CD38: variants seen among roughly 807,000 people sequenced by gnomAD.
CD38 encodes CD38 molecule.
CD38 carries 31 observed loss-of-function variants against 36.3 expected under a neutral mutation model. The observed-to-expected ratio is 0.85, with a 90% confidence interval of 0.64 to 1.15. CD38 has a LOEUF of 1.15. Ranked by LOEUF, CD38 falls within the 50% of genes most tolerant of loss-of-function variation. The pLI is 0.00. For missense variants in CD38, 380 were observed against 371.9 expected (o/e 1.02, Z -0.18); for synonymous variants, 131 against 135.2 (o/e 0.97, Z 0.22).
intron 1 of CD38, among the ~76,000 whole-genome samples, chr4:15,793,555 G>A (rs183405817): frequency 6.6e-5 from 10 of 152,040 alleles, no homozygotes; most frequent in Non-Finnish European, 1.3e-4. Context: ...TGATTCTTTT[G>A]GTCCTTGGGA....
At chr4:15,805,933 C>T (rs16892415) in intron 1 of CD38, among the ~76,000 whole-genome samples, 3,662 of 152,226 alleles carry the variant, frequency 0.024, 152 homozygotes, top group African/African-American at 0.084. Flanking sequence ...ATTTAAAGGA[C>T]GAGTGTAATT....
chr4:15,847,613 A>C (rs1724290272), intron 7 of CD38, among the ~76,000 whole-genome samples: 1 of 126,902 alleles, frequency 7.9e-6, no homozygotes, highest in Non-Finnish European at 1.6e-5. Context: ...AAAAAAAAAA[A>C]AAAAAAAAAA....
chr4:15,790,125 CT>C (rs1722928381), intron 1 of CD38, among the ~76,000 whole-genome samples: 1 of 42,752 alleles, frequency 2.3e-5, no homozygotes, highest in African/African-American at 2.6e-4. Flanking sequence ...CCCTCTCCCT[CT>C]CCCTCTCCCT....
chr4:15,848,089 C>A (rs944487062), intron 7 of CD38, among the ~76,000 whole-genome samples: 2 of 152,178 alleles, frequency 1.3e-5, no homozygotes, highest in African/African-American at 4.8e-5. Flanking sequence ...TCCACCATCC[C>A]CCTATTCATG....
intron 1 of CD38, among the ~76,000 whole-genome samples, chr4:15,799,199 T>G (rs1291777501): frequency 3.3e-5 from 5 of 152,220 alleles, no homozygotes; most frequent in Non-Finnish European, 7.3e-5. Context: ...GTGGTGAAAT[T>G]AGGAAGCCCA....
At chr4:15,785,116 G>A (rs1055143512) in intron 1 of CD38, among the ~76,000 whole-genome samples, 25 of 152,010 alleles carry the variant, frequency 1.6e-4, no homozygotes, top group African/African-American at 6.0e-4. Context: ...AAGTGAAACA[G>A]GCCTTCCAGG....
rs1332810029 is a variant in CD38 at position 15,853,039 on chromosome 4, T to C, written c.*4437T>C. 1 of 152,114 alleles carries C rather than the reference T, an allele frequency of 6.6e-6. No homozygotes were observed. The highest frequency in any genetic ancestry group is 1.9e-4 in the East Asian group (1 of 5,174). 9.4% of individuals were successfully genotyped at this position (152,114 alleles called of 1,614,324 possible). On this transcript the variant is annotated 3_prime_UTR_variant, in exon 8 of 8. Coordinates refer to ENST00000226279, the MANE Select transcript of CD38 (RefSeq NM_001775.4). ...GTTAGCCAGGATAGGGCATTTATTCTTGAACTTGATTCAGAGAGGCACACA... is the reference window on the plus strand; with the variant it reads ...GTTAGCCAGGATAGGGCATTTATTCCTGAACTTGATTCAGAGAGGCACACA...
intron 1 of CD38, among the ~76,000 whole-genome samples, chr4:15,799,185 G>C (rs1723163288): frequency 6.6e-6 from 1 of 152,114 alleles, no homozygotes; most frequent in Admixed American, 6.5e-5. Context: ...ATTTATCTTT[G>C]TGTGTGGTGA....
At chr4:15,816,336 A>G (rs959135133) in intron 1 of CD38, among the ~76,000 whole-genome samples, 175 bp from the exon 2 acceptor site, 2 of 152,204 alleles carry the variant, frequency 1.3e-5, no homozygotes, top group African/African-American at 2.4e-5. Flanking sequence ...GTCAGAAGGA[A>G]TGGTACCAGC....
chr4:15,831,832 A>C (rs1723965703), intron 3 of CD38, among the ~76,000 whole-genome samples: 2 of 152,104 alleles, frequency 1.3e-5, no homozygotes, highest in African/African-American at 4.8e-5. Flanking sequence ...ATCTTTCTCT[A>C]GGTTTGCAAA....
At position 15,848,392 on chromosome 4, in the gene CD38, C is replaced by A. The variant is rs1724309631; in HGVS notation, c.840-147C>A. ...GTGGCATGGATAGCTCCCCTCCCGACATGTCACTGCAGGAGAGGAGTTTAT... is the reference window on the plus strand; with the variant it reads ...GTGGCATGGATAGCTCCCCTCCCGAAATGTCACTGCAGGAGAGGAGTTTAT... On this transcript the variant is annotated intron_variant, in intron 7 of 7. Transcript: ENST00000226279. 9.4e-6 allele frequency: 5 copies of A among 529,212 alleles called. No individual in the cohort carries two copies. In the South Asian group the frequency reaches 1.2e-4, roughly 12 times the overall value. The allele number at this position is 529,212 out of a possible 1,614,324, so 32.8% of individuals were successfully genotyped here.
At chr4:15,814,676 A>G (rs1723545335) in intron 1 of CD38, among the ~76,000 whole-genome samples, 1 of 152,182 alleles carries the variant, frequency 6.6e-6, no homozygotes, top group Non-Finnish European at 1.5e-5. Flanking sequence ...CAGTTTTCCC[A>G]GCACTATTAA....
At position 15,848,592 on chromosome 4, in the gene CD38, C is replaced by T. The variant is rs778785395; in HGVS notation, c.893C>T (p.Ser298Phe). 1 of 1,613,352 alleles carries T rather than the reference C, an allele frequency of 6.2e-7. No individual in the cohort carries two copies. The highest frequency in any genetic ancestry group is 8.5e-7 in the Non-Finnish European group (1 of 1,179,484). Residue 298 changes from serine to phenylalanine, a missense_variant, in exon 8 of 8, where the codon TCT (serine) becomes TTT (phenylalanine). By Grantham distance (155) the Ser-to-Phe change is radical. Transcript: ENST00000226279. ...VKNPEDSSCT[S>F]EI ...AATCCTGAGGATTCATCTTGCACATCTGAGATCTGAGCCAGTCGCTGTGGT... is the reference window on the plus strand; with the variant it reads ...AATCCTGAGGATTCATCTTGCACATTTGAGATCTGAGCCAGTCGCTGTGGT...
At chr4:15,839,963 AG>A in intron 5 of CD38, 62 bp from the exon 6 acceptor site, 1 of 1,071,828 alleles carries the variant, frequency 9.3e-7, no homozygotes, top group Non-Finnish European at 1.5e-6. Flanking sequence ...CTGGTTGTTG[AG>A]GGGGGTGTGG....
chr4:15,780,791 T>G (rs1722680271), intron 1 of CD38, among the ~76,000 whole-genome samples: 1 of 152,232 alleles, frequency 6.6e-6, no homozygotes, highest in South Asian at 2.1e-4. Flanking sequence ...TCTTTCTTTC[T>G]GCACCTTATC....
chr4:15,825,046 AG>A, intron 3 of CD38, 30 bp downstream of exon 3: 1 of 1,574,460 alleles, frequency 6.4e-7, no homozygotes, highest in South Asian at 1.1e-5. Flanking sequence ...GGGATTGCCC[AG>A]GGATGTGGAG....
chr4:15,797,607 G>T (rs1041422518), intron 1 of CD38, among the ~76,000 whole-genome samples: 1 of 152,144 alleles, frequency 6.6e-6, no homozygotes, highest in Non-Finnish European at 1.5e-5. Flanking sequence ...CAATAGCATT[G>T]TACTGTCTCA....
chr4:15,830,711 A>G (rs1560318109), intron 3 of CD38, among the ~76,000 whole-genome samples: 1 of 152,020 alleles, frequency 6.6e-6, no homozygotes, highest in African/African-American at 2.4e-5. Flanking sequence ...TTCTTGTAGT[A>G]GTTTGCAGTA....
At position 15,790,387 on chromosome 4, in the gene CD38, G is replaced by A. The variant is rs558504601; in HGVS notation, c.233+11740G>A. 6.9e-3 allele frequency among the ~76,000 whole-genome samples: 1,042 copies of A among 151,818 alleles called. 5 individuals are homozygous for A. Among genetic ancestry groups the A allele is most frequent in the African/African-American group, 0.024 (990 of 41,428 alleles). Reference sequence around the variant, plus strand: ...GAGACGGGGTTTTGCTGTGTTGGCCGGGCTGGTCTCCAGCTCCTGACCGCG... The same window carrying A: ...GAGACGGGGTTTTGCTGTGTTGGCCAGGCTGGTCTCCAGCTCCTGACCGCG... On this transcript the variant is annotated intron_variant, in intron 1 of 7. Coordinates refer to ENST00000226279, the MANE Select transcript of CD38 (RefSeq NM_001775.4).
Sources: allele counts gnomAD v4.1 joint callset (sites outside exome capture counted in the v4.1 genomes callset), GRCh38; gene constraint gnomAD v4.1.1; transcripts MANE v1.5; gene names NCBI Gene and HGNC (gene_info 2026-07-23, HGNC 2026-07-21).